USP34: variants seen among roughly 807,000 people sequenced by gnomAD.
The protein encoded by USP34 is ubiquitin carboxyl-terminal hydrolase 34.
In USP34, 70 loss-of-function variants were observed where a neutral mutation model predicts 460.3. The observed-to-expected ratio is 0.15, with a 90% CI of 0.13 to 0.19. USP34 has a LOEUF of 0.19. USP34 is among the 10% of genes least tolerant of loss of function. The pLI, the probability that USP34 is intolerant of heterozygous loss-of-function variation, is 1.00. For synonymous variants in USP34, 1,647 were observed against 1,405.3 expected (o/e 1.17, Z -3.85); for missense variants, 3,985 against 4,236.2 (o/e 0.94, Z 1.65).
intron 1 of USP34, among the ~76,000 whole-genome samples, chr2:61,465,737 G>T (rs888759090): frequency 1.3e-4 from 20 of 152,170 alleles, no homozygotes; most frequent in Non-Finnish European, 1.8e-4. Flanking sequence ...CAGCACTTTG[G>T]GAGGCCGAGG....
At chr2:61,232,377 T>G (rs766306205) in intron 58 of USP34, 75 bp downstream of exon 58, 25 of 1,229,078 alleles carry the variant, frequency 2.0e-5, no homozygotes, top group South Asian at 7.6e-5. Flanking sequence ...GACACACTTA[T>G]AAGCAAATTG....
chr2:61,441,529 C>T (rs1332847907), intron 1 of USP34, among the ~76,000 whole-genome samples: 2 of 152,068 alleles, frequency 1.3e-5, no homozygotes, highest in Non-Finnish European at 2.9e-5. Context: ...CCCCAGTCTC[C>T]CTCTCTGGGG....
intron 33 of USP34, among the ~76,000 whole-genome samples, chr2:61,291,204 C>T (rs974759103): frequency 1.3e-5 from 2 of 152,134 alleles, no homozygotes; most frequent in African/African-American, 4.8e-5. Context: ...GAAAGATGTT[C>T]AACCTCATTA....
At chr2:61,433,227 A>C (rs1389217037) in intron 1 of USP34, among the ~76,000 whole-genome samples, 1 of 152,134 alleles carries the variant, frequency 6.6e-6, no homozygotes, top group Non-Finnish European at 1.5e-5. Flanking sequence ...ATCTCCCCTC[A>C]CCCAGATGGG....
intron 58 of USP34, among the ~76,000 whole-genome samples, chr2:61,230,702 G>C (rs1443954332): frequency 1.3e-5 from 2 of 151,562 alleles, no homozygotes; most frequent in African/African-American, 4.9e-5. Context: ...AAATTAGCTG[G>C]GCACGGTGGT....
chr2:61,442,247 C>G (rs1210688502), intron 1 of USP34, among the ~76,000 whole-genome samples: 1 of 151,990 alleles, frequency 6.6e-6, no homozygotes. Flanking sequence ...CAACAAACAA[C>G]AAATGGAATT....
chr2:61,276,122 TC>T (rs929273154), intron 41 of USP34, among the ~76,000 whole-genome samples: 5 of 152,072 alleles, frequency 3.3e-5, no homozygotes, highest in Non-Finnish European at 5.9e-5. Flanking sequence ...TAAAACTAAA[TC>T]AACATCAAAA....
At chr2:61,212,020 A>C in intron 68 of USP34, 91 bp from the exon 69 acceptor site, 1 of 1,316,378 alleles carries the variant, frequency 7.6e-7, no homozygotes, top group Non-Finnish European at 1.0e-6. Flanking sequence ...ATCAACTCTT[A>C]AAATTATACA....
chr2:61,463,541 A>G (rs930192268), intron 1 of USP34, among the ~76,000 whole-genome samples: 1 of 152,082 alleles, frequency 6.6e-6, no homozygotes, highest in African/African-American at 2.4e-5. Flanking sequence ...GTTAACTAGT[A>G]AGAACTTTTA....
intron 16 of USP34, among the ~76,000 whole-genome samples, chr2:61,341,314 G>C (rs1315668651): frequency 6.6e-6 from 1 of 152,054 alleles, no homozygotes; most frequent in Non-Finnish European, 1.5e-5. Context: ...AAAAACCTAA[G>C]GCAAAAAAAC....
intron 12 of USP34, 70 bp downstream of exon 12, chr2:61,350,190 A>C: frequency 6.8e-7 from 1 of 1,467,220 alleles, no homozygotes. Flanking sequence ...TGAATGTATT[A>C]GCAGAAAATA....
At position 61,211,764 on chromosome 2, in the gene USP34, C is replaced by T. The variant is rs772475539; in HGVS notation, c.8840+8G>A. 3 of 1,558,464 alleles carry T rather than the reference C, an allele frequency of 1.9e-6. No homozygotes were observed. Among genetic ancestry groups the T allele is most frequent in the South Asian group, 1.2e-5 (1 of 82,446 alleles). On this transcript the variant is annotated splice_region_variant and intron_variant, in intron 69 of 79. Coordinates refer to ENST00000398571, the MANE Select transcript of USP34 (RefSeq NM_014709.4). The stretch of plus-strand genomic sequence containing the variant: ...ATAAACAAGACAAAACTAAAAACAT[C>T]TTTTTACCTTATTAAAGTAGTCCAG...
chr2:61,323,609 A>C (rs1054505154), intron 21 of USP34, among the ~76,000 whole-genome samples: 1 of 151,962 alleles, frequency 6.6e-6, no homozygotes, highest in African/African-American at 2.4e-5. Flanking sequence ...CTTGGAGGGC[A>C]GGTGAAGTGG....
intron 10 of USP34, among the ~76,000 whole-genome samples, chr2:61,363,485 C>T (rs1692333043): frequency 6.6e-6 from 1 of 152,200 alleles, no homozygotes; most frequent in Non-Finnish European, 1.5e-5. Flanking sequence ...CTATAGTTTA[C>T]TGCTCCTGTA....
chr2:61,367,363 C>T (rs10177225), intron 10 of USP34, among the ~76,000 whole-genome samples: 74,923 of 152,074 alleles, frequency 0.49, 19,170 homozygotes, highest in South Asian at 0.73. Context: ...GGTGGTGGCT[C>T]GTGTCTGTAG....
Position 61,301,005 on chromosome 2 carries a change from C to A in USP34, c.4074G>T (p.Glu1358Asp). ...PHLTTLFDLL[E>D]MLASFKPPSG... ...AGGGTGGTTTAAATGATGCAAGCAT[C>A]TCTAATAAATCAAAAAGAGTAGTTA... Residue 1358 changes from glutamate (E) to aspartate (D), a missense_variant, in exon 29 of 80, where the codon GAG becomes GAT. By Grantham distance (45) the Glu-to-Asp change is conservative. Around this residue, in one of 14 missense-constraint regions of USP34, gnomAD observed 1,114 missense variants for 1,122.5 expected, o/e 0.99. Transcript: ENST00000398571. The A allele has an allele frequency of 6.2e-7, 1 of 1,613,982 alleles. No homozygotes were observed. Among genetic ancestry groups the A allele is most frequent in the Non-Finnish European group, 8.5e-7 (1 of 1,179,976 alleles).
At chr2:61,231,153 G>A (rs1687883989) in intron 58 of USP34, among the ~76,000 whole-genome samples, 1 of 152,154 alleles carries the variant, frequency 6.6e-6, no homozygotes, top group African/African-American at 2.4e-5. Context: ...AAGACTAATA[G>A]TGTATGAGTC....
chr2:61,332,745 G>C (rs76185585), intron 19 of USP34, among the ~76,000 whole-genome samples: 1 of 151,950 alleles, frequency 6.6e-6, no homozygotes, highest in Admixed American at 6.6e-5. Flanking sequence ...GGAAGCTGAA[G>C]GACCTTCCTT....
chr2:61,407,057 A>G (rs1173367127), intron 2 of USP34, among the ~76,000 whole-genome samples: 4 of 152,280 alleles, frequency 2.6e-5, no homozygotes, highest in African/African-American at 9.6e-5. Flanking sequence ...AGACATGTTC[A>G]GTTAGTAGCA....
Sources: allele counts gnomAD v4.1 joint callset (sites outside exome capture counted in the v4.1 genomes callset), GRCh38; gene constraint gnomAD v4.1.1; regional missense constraint gnomAD v4.1.1; transcripts MANE v1.5; gene names NCBI Gene and HGNC (gene_info 2026-07-23, HGNC 2026-07-21).